The following CFAP54 variants were observed in gnomAD, a reference collection of about 807,000 sequenced individuals.
The protein encoded by CFAP54 is cilia and flagella associated protein 54.
A neutral mutation model predicts 370.4 loss-of-function variants in CFAP54; 290 were observed. The observed-to-expected ratio is 0.78, with a 90% confidence interval of 0.71 to 0.86. CFAP54 has a LOEUF of 0.86. Ranked by LOEUF, CFAP54 falls within the 40% of genes least tolerant of loss-of-function variation. The pLI is 0.00. For synonymous variants in CFAP54, 1,206 were observed against 1,236.5 expected (o/e 0.98, Z 0.52); for missense variants, 3,399 against 3,528.7 (o/e 0.96, Z 0.93).
chr12:96,640,992 A>G (rs1045608898), intron 32 of CFAP54, among the ~76,000 whole-genome samples: 1 of 151,976 alleles, frequency 6.6e-6, no homozygotes, highest in Non-Finnish European at 1.5e-5. Context: ...AACCTAGGCA[A>G]TACCATTCAG....
intron 63 of CFAP54, among the ~76,000 whole-genome samples, chr12:96,804,346 A>G (rs904972187): frequency 6.6e-6 from 1 of 152,188 alleles, no homozygotes; most frequent in East Asian, 1.9e-4. Context: ...AAGAAGTCAA[A>G]TCACTTCTGT....
At chr12:96,695,094 A>T (rs1285274060) in intron 45 of CFAP54, among the ~76,000 whole-genome samples, 4 of 152,198 alleles carry the variant, frequency 2.6e-5, no homozygotes, top group African/African-American at 9.6e-5. Context: ...ATCTCCATCC[A>T]TGGTGTGAAT....
chr12:96,696,304 A>G (rs1957439647), intron 45 of CFAP54, among the ~76,000 whole-genome samples: 1 of 152,170 alleles, frequency 6.6e-6, no homozygotes, highest in Admixed American at 6.5e-5. Flanking sequence ...GAAGAGATGT[A>G]ATTTGGAGGT....
rs541219730 is a variant in CFAP54, at chr12:96,690,114, G to A, written c.6082-1014G>A. On this transcript the variant is annotated intron_variant, in intron 43 of 67. Transcript: ENST00000524981. ...ATGCTGTTTATGTTTTAGAAAATAT[G>A]TGTTTTAACAAATATTTAACTTTCT... Among the ~76,000 whole-genome samples the A allele has an allele frequency of 3.9e-5, 6 of 152,274 alleles. No individual in the cohort carries two copies. The South Asian group carries it at 1.2e-3, about 32-fold the overall frequency.
intron 48 of CFAP54, 27 bp from the exon 49 acceptor site, chr12:96,718,416 T>C (rs901070352): frequency 9.0e-7 from 1 of 1,115,760 alleles, no homozygotes; most frequent in African/African-American, 1.5e-5. Flanking sequence ...ATATCCTTGG[T>C]CCTTCCAAAA....
chr12:96,546,846 T>G lies in CFAP54; in HGVS notation c.2078-1056T>G, dbSNP rs562692001. ...TCCATCTCAAAAAAAAAAACAACTC[T>G]ATTTCTTACTTAATGTTATTGTTTT... On this transcript the variant is annotated intron_variant, in intron 14 of 67. Coordinates refer to ENST00000524981, the MANE Select transcript of CFAP54 (RefSeq NM_001306084.2). Among the ~76,000 whole-genome samples, 267 of 151,986 alleles carry G rather than the reference T, an allele frequency of 1.8e-3. 1 individual carries two copies. Among genetic ancestry groups the G allele is most frequent in the African/African-American group, 6.2e-3 (257 of 41,496 alleles).
At chr12:96,853,568 T>A (rs1959615728) in intron 66 of CFAP54, among the ~76,000 whole-genome samples, 1 of 152,180 alleles carries the variant, frequency 6.6e-6, no homozygotes, top group Admixed American at 6.5e-5. Flanking sequence ...GAATTTTTAC[T>A]TTTTACTTAA....
intron 48 of CFAP54, among the ~76,000 whole-genome samples, chr12:96,717,779 A>C (rs1216405299): frequency 2.0e-5 from 3 of 152,210 alleles, no homozygotes; most frequent in African/African-American, 7.2e-5. Context: ...TTGAAATGTT[A>C]GAAATATCTG....
intron 17 of CFAP54, among the ~76,000 whole-genome samples, chr12:96,556,336 AAAT>A (rs1217972057): frequency 6.6e-6 from 1 of 152,092 alleles, no homozygotes; most frequent in African/African-American, 2.4e-5. Context: ...AAAAAAATAA[AAAT>A]AAAACCCCAA....
intron 4 of CFAP54, among the ~76,000 whole-genome samples, chr12:96,511,276 G>A (rs1040641337): frequency 3.3e-5 from 5 of 152,102 alleles, no homozygotes; most frequent in African/African-American, 9.7e-5. Flanking sequence ...TTCTAATCAA[G>A]TAATAGATGT....
intron 1 of CFAP54, among the ~76,000 whole-genome samples, chr12:96,491,697 G>C (rs2136339490): frequency 6.6e-6 from 1 of 152,258 alleles, no homozygotes; most frequent in South Asian, 2.1e-4. Context: ...CTGCTGACTG[G>C]CCAAGTAAGA....
intron 65 of CFAP54, among the ~76,000 whole-genome samples, chr12:96,826,962 GC>G (rs1301803850): frequency 5.5e-5 from 7 of 126,962 alleles, no homozygotes; most frequent in Admixed American, 1.7e-4. Flanking sequence ...TATATAATAT[GC>G]AATTATATAT....
intron 12 of CFAP54, among the ~76,000 whole-genome samples, chr12:96,537,886 G>A (rs1285243333): frequency 5.3e-5 from 8 of 152,032 alleles, no homozygotes; most frequent in Non-Finnish European, 8.8e-5. Flanking sequence ...CCAGGGGTTC[G>A]AGACCAGCCT....
chr12:96,692,869 A>G (rs893703463), intron 44 of CFAP54, among the ~76,000 whole-genome samples: 5 of 152,212 alleles, frequency 3.3e-5, no homozygotes, highest in Admixed American at 2.6e-4. Context: ...GGGGATCCCA[A>G]TCTCCCTTCC....
chr12:96,825,476 ATT>A (rs1472664660), intron 65 of CFAP54, among the ~76,000 whole-genome samples: 4 of 117,280 alleles, frequency 3.4e-5, no homozygotes, highest in African/African-American at 6.9e-5. Flanking sequence ...TATTATATAT[ATT>A]ATATAACATA....
intron 12 of CFAP54, among the ~76,000 whole-genome samples, chr12:96,537,853 C>T (rs1280182848): frequency 6.6e-6 from 1 of 151,812 alleles, no homozygotes; most frequent in African/African-American, 2.4e-5. Flanking sequence ...TTTGGGATGG[C>T]ACGGCAGGTG....
chr12:96,502,834 GAAC>G (rs1379717455), intron 2 of CFAP54, among the ~76,000 whole-genome samples: 1 of 152,194 alleles, frequency 6.6e-6, no homozygotes, highest in East Asian at 1.9e-4. Flanking sequence ...TCTGTAATGG[GAAC>G]ATAAGCATGA....
At chr12:96,627,672 A>G (rs1489878309) in intron 30 of CFAP54, among the ~76,000 whole-genome samples, 2 of 152,260 alleles carry the variant, frequency 1.3e-5, no homozygotes, top group Non-Finnish European at 2.9e-5. Context: ...TAGAGTATAT[A>G]TATGCTTCAT....
intron 22 of CFAP54, among the ~76,000 whole-genome samples, chr12:96,584,340 T>G (rs188339318): frequency 6.6e-6 from 1 of 152,272 alleles, no homozygotes; most frequent in Non-Finnish European, 1.5e-5. Context: ...GGCACGCACC[T>G]GTAATCCCAG....
Sources: gnomAD v4.1 joint callset for allele counts (sites outside exome capture counted in the v4.1 genomes callset) on GRCh38, gnomAD v4.1.1 for gene constraint, MANE v1.5 for transcripts, NCBI Gene and HGNC (gene_info 2026-07-23, HGNC 2026-07-21) for gene names.